Variants in GRAMD1C observed in about 807,000 individuals in gnomAD.
GRAMD1C encodes GRAM domain containing 1C, also known as protein Aster-C.
In GRAMD1C, 89 loss-of-function variants were observed where a neutral mutation model predicts 97.8. The ratio of observed to expected loss-of-function variants is 0.91; its 90% CI spans 0.77 to 1.09. The LOEUF (loss-of-function observed/expected upper bound fraction) is 1.09, where lower values mean the gene tolerates loss of function less well. GRAMD1C is among the 50% of genes least tolerant of loss of function. GRAMD1C has a pLI of 0.00. For missense variants in GRAMD1C, 740 were observed against 766.4 expected (o/e 0.97, Z 0.41); for synonymous variants, 256 against 267.0 (o/e 0.96, Z 0.40).
chr3:113,933,400 C>T (rs886543243), intron 11 of GRAMD1C, 111 bp from the exon 12 acceptor site: 12 of 723,400 alleles, frequency 1.7e-5, no homozygotes, highest in Non-Finnish European at 2.8e-5. Flanking sequence ...ATAGGTTTCT[C>T]ATGTTTTTTG....
At chr3:113,925,540 T>C (rs2107356860) in intron 10 of GRAMD1C, among the ~76,000 whole-genome samples, 1 of 152,304 alleles carries the variant, frequency 6.6e-6, no homozygotes, top group South Asian at 2.1e-4. Flanking sequence ...TTATCCAACT[T>C]TCCACTGCCT....
At chr3:113,926,411 CTT>C (rs1302299841) in intron 10 of GRAMD1C, among the ~76,000 whole-genome samples, 5 of 152,046 alleles carry the variant, frequency 3.3e-5, no homozygotes, top group African/African-American at 9.7e-5. Context: ...TCTTTCAGCT[CTT>C]GTGTCATTTT....
At chr3:113,881,440 G>A (rs781149173) in intron 5 of GRAMD1C, among the ~76,000 whole-genome samples, 1 of 152,262 alleles carries the variant, frequency 6.6e-6, no homozygotes, top group Non-Finnish European at 1.5e-5. Flanking sequence ...TTACAGGCAT[G>A]AGCCACCATG....
intron 8 of GRAMD1C, among the ~76,000 whole-genome samples, chr3:113,907,627 A>C (rs750496203): frequency 9.9e-5 from 15 of 152,226 alleles, no homozygotes; most frequent in South Asian, 2.1e-4. Flanking sequence ...AAATAACAAA[A>C]AGTCAAAAAT....
At chr3:113,829,256 T>C (rs535708409) in intron 1 of GRAMD1C, among the ~76,000 whole-genome samples, 16 of 152,060 alleles carry the variant, frequency 1.1e-4, no homozygotes, top group African/African-American at 3.9e-4. Flanking sequence ...GCCCAGTCTG[T>C]ACAAAACAAA....
At chr3:113,918,851 C>T (rs1202575584) in intron 10 of GRAMD1C, among the ~76,000 whole-genome samples, 2 of 152,032 alleles carry the variant, frequency 1.3e-5, no homozygotes, top group African/African-American at 4.8e-5. Context: ...CACCACAATG[C>T]CCGGCCAATT....
intron 9 of GRAMD1C, among the ~76,000 whole-genome samples, chr3:113,911,968 C>T (rs1936616684): frequency 6.6e-6 from 1 of 152,056 alleles, no homozygotes. Flanking sequence ...ACCTCGTGAT[C>T]AGCCCGCCTC....
At chr3:113,840,115 CG>C (rs1258239684) in intron 1 of GRAMD1C, among the ~76,000 whole-genome samples, 1 of 152,082 alleles carries the variant, frequency 6.6e-6, no homozygotes, top group Non-Finnish European at 1.5e-5. Flanking sequence ...TACAGGCGCC[CG>C]CCACCACGCC....
rs769971326 is a variant in GRAMD1C, at chr3:113,876,235, T to C, written c.434T>C (p.Ile145Thr). 6 of 1,588,420 alleles carry C rather than the reference T, an allele frequency of 3.8e-6. No individual in the cohort carries two copies. The highest frequency in any genetic ancestry group is 4.3e-6 in the Non-Finnish European group (5 of 1,157,424). ...ACTGCTCGACTCATCCCAAACGCTA[T>C]CCAGATAGTTACAGAAAGTGAAAAG... ...EKTARLIPNA[I>T]QIVTESEKFF... The change falls in exon 5 of 18, where the codon ATC (isoleucine) becomes ACC (threonine). Residue 145 changes from isoleucine to threonine, a missense_variant. Coordinates refer to ENST00000358160, the MANE Select transcript of GRAMD1C (RefSeq NM_017577.5).
In GRAMD1C at chr3:113,844,657, C is replaced by CT. The variant is rs1272624515; in HGVS notation, c.174+15dup. 2.5e-6 allele frequency: 4 copies of CT among 1,568,732 alleles called. No individual in the cohort carries two copies. The highest frequency in any genetic ancestry group is 2.3e-5 in the East Asian group (1 of 43,148). On this transcript the variant is annotated intron_variant, in intron 2 of 17. Coordinates refer to ENST00000358160, the MANE Select transcript of GRAMD1C (RefSeq NM_017577.5). The stretch of plus-strand genomic sequence containing the variant: ...GGTGACTGGAGCTTTTGGGTAATTT[C>CT]TTTTTTTACGTCTTTATTTTAATCT...
At chr3:113,933,705 A>G in intron 12 of GRAMD1C, 52 bp downstream of exon 12, 1 of 1,279,250 alleles carries the variant, frequency 7.8e-7, no homozygotes, top group African/African-American at 1.5e-5. Flanking sequence ...TGTCCTGGTA[A>G]TTTATTCATC....
intron 1 of GRAMD1C, among the ~76,000 whole-genome samples, chr3:113,832,457 A>G (rs1049909425): frequency 2.0e-5 from 3 of 152,222 alleles, no homozygotes; most frequent in Non-Finnish European, 2.9e-5. Context: ...TAAAATATAC[A>G]CAAGATAAAA....
At chr3:113,853,883 G>A (rs1934015177) in intron 2 of GRAMD1C, among the ~76,000 whole-genome samples, 2 of 152,186 alleles carry the variant, frequency 1.3e-5, no homozygotes, top group African/African-American at 4.8e-5. Context: ...GGGCGGGTGA[G>A]AGAAGGAGAA....
intron 10 of GRAMD1C, among the ~76,000 whole-genome samples, chr3:113,917,148 A>G (rs1036635590): frequency 6.6e-6 from 1 of 152,098 alleles, no homozygotes; most frequent in Admixed American, 6.5e-5. Flanking sequence ...CTGTCTCAAA[A>G]TAAATAAATA....
intron 9 of GRAMD1C, 81 bp from the exon 10 acceptor site, chr3:113,915,618 GAA>G (rs1318359589): frequency 1.0e-5 from 11 of 1,078,890 alleles, no homozygotes; most frequent in Non-Finnish European, 1.3e-5. Context: ...AATAAAAAAA[GAA>G]AACCCCACGA....
At position 113,862,859 on chromosome 3, in the gene GRAMD1C, C is replaced by T. The variant is rs150288822; in HGVS notation, c.175-6648C>T. On this transcript the variant is annotated intron_variant, in intron 2 of 17. Transcript: ENST00000358160. ...CATGGCTTCAGCCGGTCCCTCTGTT[C>T]GGGGTTCCTGACTTCCTGCAACACA... Among the ~76,000 whole-genome samples the T allele has an allele frequency of 4.7e-3, 720 of 152,254 alleles. 9 individuals carry two copies. The highest frequency in any genetic ancestry group is 0.016 in the African/African-American group (679 of 41,558).
At chr3:113,915,567 C>T (rs375840725) in intron 9 of GRAMD1C, 134 bp from the exon 10 acceptor site, 1 of 624,386 alleles carries the variant, frequency 1.6e-6, no homozygotes, top group East Asian at 2.8e-5. Flanking sequence ...CTAGAATGTT[C>T]TCCTCATTGT....
At chr3:113,839,072 G>A in intron 1 of GRAMD1C, 136 bp downstream of exon 1, 1 of 573,800 alleles carries the variant, frequency 1.7e-6, no homozygotes, top group Non-Finnish European at 2.6e-6. Context: ...GGAGTAATAC[G>A]GAAAGTTGTT....
intron 5 of GRAMD1C, among the ~76,000 whole-genome samples, chr3:113,882,071 T>C (rs1020217969): frequency 1.3e-5 from 2 of 152,192 alleles, no homozygotes. Context: ...GATAACACAC[T>C]GAGAAGACTG....
Sources: gnomAD v4.1 joint callset for allele counts (sites outside exome capture counted in the v4.1 genomes callset) on GRCh38, gnomAD v4.1.1 for gene constraint, MANE v1.5 for transcripts, NCBI Gene and HGNC (gene_info 2026-07-23, HGNC 2026-07-21) for gene names.